FBXO8: variants seen among roughly 807,000 people sequenced by gnomAD.
The protein encoded by FBXO8 is F-box protein 8.
FBXO8 carries 15 observed loss-of-function variants against 33.4 expected under a neutral mutation model. That is an observed-to-expected ratio of 0.45 (90% CI 0.30 to 0.69). FBXO8 has a LOEUF of 0.69. Ranked by LOEUF, FBXO8 falls within the 30% of genes least tolerant of loss-of-function variation. The pLI is 0.08. For missense variants in FBXO8, 274 were observed against 380.3 expected (o/e 0.72, Z 2.32); for synonymous variants, 132 against 131.5 (o/e 1.00, Z -0.02).
In FBXO8 at chr4:174,253,554, G is replaced by T. The variant is rs1457958953; in HGVS notation, c.456+6145C>A. ...GCAGAGACCAGAAACAAGGAAGGCT[G>T]AATCACATGTTTTAAGTGTATCACT... On this transcript the variant is annotated intron_variant, in intron 3 of 5. Coordinates refer to ENST00000393674, the MANE Select transcript of FBXO8 (RefSeq NM_012180.3). This position sits in a 1 kb window ranked among gnomAD's most constrained non-coding sequence, Gnocchi z 4.5. 6.6e-6 allele frequency among the ~76,000 whole-genome samples: 1 copy of T among 152,170 alleles called. No homozygotes were observed. Among genetic ancestry groups the T allele is most frequent in the Non-Finnish European group, 1.5e-5 (1 of 68,028 alleles).
intron 4 of FBXO8, among the ~76,000 whole-genome samples, chr4:174,240,171 AAAG>A (rs1465423854): frequency 6.6e-6 from 1 of 151,220 alleles, no homozygotes; most frequent in African/African-American, 2.4e-5. Context: ...AAGAAAAAGA[AAAG>A]AAAGAAAAAA....
In FBXO8 at chr4:174,259,666, C is replaced by A; in HGVS notation, c.456+33G>T. 1.3e-6 allele frequency: 2 copies of A among 1,598,994 alleles called. No individual in the cohort carries two copies. Among genetic ancestry groups the A allele is most frequent in the South Asian group, 2.3e-5 (2 of 88,020 alleles). On this transcript the variant is annotated intron_variant, in intron 3 of 5. Coordinates refer to ENST00000393674, the MANE Select transcript of FBXO8 (RefSeq NM_012180.3). The surrounding 1 kb of genome is among the most constrained non-coding windows in gnomAD (Gnocchi z 4.3). Reference sequence around the variant, plus strand: ...GCTGCAGCAAGATAGTAATAAAGGTCACTGGATACAAATATTCAAGTTCTT... The same window carrying A: ...GCTGCAGCAAGATAGTAATAAAGGTAACTGGATACAAATATTCAAGTTCTT...
In FBXO8 at chr4:174,275,549, C is replaced by CA. The variant is rs1003791407; in HGVS notation, c.-9+7860dup. On this transcript the variant is annotated intron_variant, in intron 1 of 5. Coordinates refer to ENST00000393674, the MANE Select transcript of FBXO8 (RefSeq NM_012180.3). The surrounding 1 kb of genome is among the most constrained non-coding windows in gnomAD (Gnocchi z 4.4). ...AAAATCATAGAAGGATGGAAAAAAA[C>CA]AAAAAAAGTTTAAAAAAGGATAGGC... 6.6e-5 allele frequency among the ~76,000 whole-genome samples: 10 copies of CA among 151,592 alleles called. No individual in the cohort carries two copies. The highest frequency in any genetic ancestry group is 3.9e-4 in the Admixed American group (6 of 15,248).
chr4:174,261,705 G>C lies in FBXO8; in HGVS notation c.329+1059C>G, dbSNP rs947838665. ...ATTGATGATTTTTATCTATTTAGAG[G>C]TTGAGAAATGACCTATATAACTTGT... is the stretch of plus-strand genomic sequence containing the variant. On this transcript the variant is annotated intron_variant, in intron 2 of 5. Transcript: ENST00000393674. The surrounding 1 kb of genome is among the most constrained non-coding windows in gnomAD (Gnocchi z 4.1). Among the ~76,000 whole-genome samples the C allele has an allele frequency of 3.3e-5, 5 of 151,962 alleles. No homozygotes were observed. Among genetic ancestry groups the C allele is most frequent in the African/African-American group, 4.8e-5 (2 of 41,424 alleles).
At chr4:174,273,750 C>T (rs1736891805) in intron 1 of FBXO8, among the ~76,000 whole-genome samples, 1 of 152,178 alleles carries the variant, frequency 6.6e-6, no homozygotes. Flanking sequence ...TTTTATTCCT[C>T]TAACAATTTT....
At position 174,255,177 on chromosome 4, in the gene FBXO8, G is replaced by A. The variant is rs982453711; in HGVS notation, c.456+4522C>T. Reference sequence around the variant, plus strand: ...GAATGCACTTGGGAAATGTTTATTGGTACATTCTAATAATGCCCATGAGGG... The same window carrying A: ...GAATGCACTTGGGAAATGTTTATTGATACATTCTAATAATGCCCATGAGGG... On this transcript the variant is annotated intron_variant, in intron 3 of 5. Coordinates refer to ENST00000393674, the MANE Select transcript of FBXO8 (RefSeq NM_012180.3). This position sits in a 1 kb window ranked among gnomAD's most constrained non-coding sequence, Gnocchi z 4.3. Among the ~76,000 whole-genome samples, 2 of 151,998 alleles carry A rather than the reference G, an allele frequency of 1.3e-5. No individual in the cohort carries two copies. The highest frequency in any genetic ancestry group is 4.8e-5 in the African/African-American group (2 of 41,380).
At chr4:174,248,242 C>T (rs1560867382) in intron 3 of FBXO8, among the ~76,000 whole-genome samples, 1 of 152,028 alleles carries the variant, frequency 6.6e-6, no homozygotes, top group Admixed American at 6.6e-5. Flanking sequence ...AAATGTCACA[C>T]ATTGCTTTTA....
chr4:174,254,452 T>C lies in FBXO8; in HGVS notation c.456+5247A>G, dbSNP rs1336117057. 6.6e-6 allele frequency among the ~76,000 whole-genome samples: 1 copy of C among 152,176 alleles called. No homozygotes were observed. The highest frequency in any genetic ancestry group is 1.5e-5 in the Non-Finnish European group (1 of 68,006). The stretch of plus-strand genomic sequence containing the variant: ...TATCTTAGTGGCCTGTCAGCTTTCA[T>C]TAGGAATACTTCTGTGTTGCAGGAG... On this transcript the variant is annotated intron_variant, in intron 3 of 5. Coordinates refer to ENST00000393674, the MANE Select transcript of FBXO8 (RefSeq NM_012180.3). This position sits in a 1 kb window ranked among gnomAD's most constrained non-coding sequence, Gnocchi z 4.2.
Position 174,252,898 on chromosome 4 carries a change from G to A in FBXO8, c.456+6801C>T, listed in dbSNP as rs547003492. Among the ~76,000 whole-genome samples, 1 of 152,078 alleles carries A rather than the reference G, an allele frequency of 6.6e-6. No homozygotes were observed. Among genetic ancestry groups the A allele is most frequent in the South Asian group, 2.1e-4 (1 of 4,824 alleles). ...AGGCACAAGAATTACCTGAGCCCGGGAGGTGGTGATTGCAGTGAGCCAAGA... is the reference window on the plus strand; with the variant it reads ...AGGCACAAGAATTACCTGAGCCCGGAAGGTGGTGATTGCAGTGAGCCAAGA... On this transcript the variant is annotated intron_variant, in intron 3 of 5. Transcript: ENST00000393674. This position sits in a 1 kb window ranked among gnomAD's most constrained non-coding sequence, Gnocchi z 5.1.
rs1416290158 is a variant in FBXO8, at chr4:174,240,673, T to C, written c.575+427A>G. Among the ~76,000 whole-genome samples, 6 of 151,734 alleles carry C rather than the reference T, an allele frequency of 4.0e-5. No homozygotes were observed. The East Asian group carries it at 1.2e-3, about 29-fold the overall frequency. On this transcript the variant is annotated intron_variant, in intron 4 of 5. Coordinates refer to ENST00000393674, the MANE Select transcript of FBXO8 (RefSeq NM_012180.3). ...TATATAGTGTCTACATGCAAATATA[T>C]ATACCTTATATCCCTAGGATTTGGG...
Position 174,254,227 on chromosome 4 carries a change from C to A in FBXO8, c.456+5472G>T, listed in dbSNP as rs76350631. Reference sequence around the variant, plus strand: ...ATATCACAGCCAAGAATTAGAATTTCGAGTTTATCTTTCTCTTTCTTTATG... The same window carrying A: ...ATATCACAGCCAAGAATTAGAATTTAGAGTTTATCTTTCTCTTTCTTTATG... On this transcript the variant is annotated intron_variant, in intron 3 of 5. Transcript: ENST00000393674. This position sits in a 1 kb window ranked among gnomAD's most constrained non-coding sequence, Gnocchi z 4.2. Among the ~76,000 whole-genome samples, 9,601 of 152,120 alleles carry A rather than the reference C, an allele frequency of 0.063. 414 individuals are homozygous for A. Among genetic ancestry groups the A allele is most frequent in the South Asian group, 0.21 (1,020 of 4,816 alleles).
At chr4:174,248,099 A>G (rs1340927558) in intron 3 of FBXO8, among the ~76,000 whole-genome samples, 1 of 152,034 alleles carries the variant, frequency 6.6e-6, no homozygotes, top group Admixed American at 6.6e-5. Flanking sequence ...TAGTATGTTT[A>G]AGACTAGGTG....
Position 174,254,660 on chromosome 4 carries a change from T to C in FBXO8, c.456+5039A>G, listed in dbSNP as rs1183523309. ...TTACTGTCCAAAGTAATACTTCCCT[T>C]TCCAAATCAGATGGTAATCAAAATA... On this transcript the variant is annotated intron_variant, in intron 3 of 5. Transcript: ENST00000393674. The surrounding 1 kb of genome is among the most constrained non-coding windows in gnomAD (Gnocchi z 4.2). Among the ~76,000 whole-genome samples, 1 of 152,168 alleles carries C rather than the reference T, an allele frequency of 6.6e-6. No homozygotes were observed. Among genetic ancestry groups the C allele is most frequent in the East Asian group, 1.9e-4 (1 of 5,196 alleles).
At position 174,259,365 on chromosome 4, in the gene FBXO8, AAAATCTGATGAACAC is replaced by A. The variant is rs1736490602; in HGVS notation, c.456+319_456+333del. 3.9e-5 allele frequency among the ~76,000 whole-genome samples: 6 copies of A among 152,100 alleles called. No individual in the cohort carries two copies. Among genetic ancestry groups the A allele is most frequent in the African/African-American group, 1.4e-4 (6 of 41,446 alleles). On this transcript the variant is annotated intron_variant, in intron 3 of 5. Transcript: ENST00000393674. This position sits in a 1 kb window ranked among gnomAD's most constrained non-coding sequence, Gnocchi z 4.3. ...TAAACAGAAAAAAACTGCTGCAGAT[AAAATCTGATGAACAC>A]ACTCTGTGTTCTTATTATCAAATTT... is the stretch of plus-strand genomic sequence containing the variant.
At chr4:174,268,509 T>A (rs560464698) in intron 1 of FBXO8, among the ~76,000 whole-genome samples, 1 of 152,208 alleles carries the variant, frequency 6.6e-6, no homozygotes, top group Admixed American at 6.5e-5. Context: ...CTCGGCTCAC[T>A]GCAAGTTCCG....
chr4:174,241,336 A>T lies in FBXO8; in HGVS notation c.457-118T>A, dbSNP rs901693313. On this transcript the variant is annotated intron_variant, in intron 3 of 5. Coordinates refer to ENST00000393674, the MANE Select transcript of FBXO8 (RefSeq NM_012180.3). This position sits in a 1 kb window ranked among gnomAD's most constrained non-coding sequence, Gnocchi z 4.2. ...TTTCCAGCATTAATAGACTTTTTGT[A>T]GCTTTATCATGCAAAATACAAGCTA... 3.3e-5 allele frequency: 18 copies of T among 549,826 alleles called. No homozygotes were observed. Among genetic ancestry groups the T allele is most frequent in the African/African-American group, 2.7e-4 (14 of 51,646 alleles). 34.1% of individuals were successfully genotyped at this position (549,826 alleles called of 1,614,324 possible).
rs878874125 is a variant in FBXO8 at position 174,237,711 on chromosome 4, TAA to T, written c.773-114_773-113del. On this transcript the variant is annotated intron_variant, in intron 5 of 5. Transcript: ENST00000393674. The surrounding 1 kb of genome is among the most constrained non-coding windows in gnomAD (Gnocchi z 4.4). ...ATTTCAAGATATCAAGATTAGCTCATAAATACAGAGTGACCAATCCATCCCAG... is the reference window on the plus strand; with the variant it reads ...ATTTCAAGATATCAAGATTAGCTCATATACAGAGTGACCAATCCATCCCAG... 638 of 917,432 alleles carry T rather than the reference TAA, an allele frequency of 7.0e-4. 12 individuals are homozygous for T. The South Asian group carries it at 0.011, about 16-fold the overall frequency. The allele number at this position is 917,432 out of a possible 1,614,324, so 56.8% of individuals were successfully genotyped here. A position where few individuals can be genotyped will look rare whatever the true frequency, so the allele number is the denominator to read the frequency against.
rs1481532700 is a variant in FBXO8, at chr4:174,278,503, G to A, written c.-9+4907C>T. On this transcript the variant is annotated intron_variant, in intron 1 of 5. Transcript: ENST00000393674. This position sits in a 1 kb window ranked among gnomAD's most constrained non-coding sequence, Gnocchi z 4.1. Reference sequence around the variant, plus strand: ...AGAATTTTAGGCTTATTCAATTTCTGTGGTTTGTTTTTCAAGAAATGCTCC... The same window carrying A: ...AGAATTTTAGGCTTATTCAATTTCTATGGTTTGTTTTTCAAGAAATGCTCC... Among the ~76,000 whole-genome samples the A allele has an allele frequency of 6.6e-6, 1 of 152,016 alleles. No individual in the cohort carries two copies.
At position 174,278,741 on chromosome 4, in the gene FBXO8, A is replaced by C. The variant is rs958913419; in HGVS notation, c.-9+4669T>G. Among the ~76,000 whole-genome samples the C allele has an allele frequency of 6.6e-6, 1 of 151,964 alleles. No individual in the cohort carries two copies. Among genetic ancestry groups the C allele is most frequent in the African/African-American group, 2.4e-5 (1 of 41,446 alleles). ...AGGCCATTGCTATGAGTGCTATGGA[A>C]TTAAAAACCAAAACAAAAGTCATAA... is the stretch of plus-strand genomic sequence containing the variant. On this transcript the variant is annotated intron_variant, in intron 1 of 5. Coordinates refer to ENST00000393674, the MANE Select transcript of FBXO8 (RefSeq NM_012180.3). This position sits in a 1 kb window ranked among gnomAD's most constrained non-coding sequence, Gnocchi z 4.1.
Sources: allele counts gnomAD v4.1 joint callset (sites outside exome capture counted in the v4.1 genomes callset), GRCh38; gene constraint gnomAD v4.1.1; non-coding constraint Gnocchi (gnomAD v3.1); transcripts MANE v1.5; gene names NCBI Gene and HGNC (gene_info 2026-07-23, HGNC 2026-07-21).